Variants in GBE1 observed in about 807,000 individuals in gnomAD.
GBE1 encodes 1,4-alpha-glucan branching enzyme 1.
In GBE1, 70 loss-of-function variants were observed where a neutral mutation model predicts 88.8. That is an observed-to-expected ratio of 0.79 (90% CI 0.65 to 0.96). The LOEUF (loss-of-function observed/expected upper bound fraction) is 0.96. Among genes scored for constraint, GBE1 ranks in the 40% least tolerant of loss-of-function variants. GBE1 has a pLI of 0.00. For missense variants in GBE1, 872 were observed against 871.0 expected (o/e 1.00, Z -0.01); for synonymous variants, 284 against 300.1 (o/e 0.95, Z 0.56).
Position 81,536,929 on chromosome 3 carries a change from A to ACCATATCTTT in GBE1, c.1775_1784dup (p.Trp596LysfsTer14), listed in dbSNP as rs769422253. On this transcript the variant is annotated frameshift_variant, in exon 13 of 16. Transcript: ENST00000429644. LOFTEE classifies it high-confidence loss of function. ...AGCTTACCTGTGGAGCTGCAAGCCA[A>ACCATATCTTT]CCATATCTTTCTTCCAATCTATTCA... 6.3e-7 allele frequency: 1 copy of ACCATATCTTT among 1,586,260 alleles called. No individual in the cohort carries two copies. Among genetic ancestry groups the ACCATATCTTT allele is most frequent in the East Asian group, 2.4e-5 (1 of 42,502 alleles).
chr3:81,589,003 G>A (rs909027468), intron 9 of GBE1, among the ~76,000 whole-genome samples: 1 of 151,794 alleles, frequency 6.6e-6, no homozygotes, highest in Non-Finnish European at 1.5e-5. Flanking sequence ...TTTGAAGGTG[G>A]AAAGTTTGTG....
chr3:81,625,878 G>C (rs1704408137), intron 7 of GBE1, among the ~76,000 whole-genome samples: 1 of 152,154 alleles, frequency 6.6e-6, no homozygotes, highest in South Asian at 2.1e-4. Context: ...GAGGAAGAAA[G>C]GCAGCCAGAG....
intron 7 of GBE1, among the ~76,000 whole-genome samples, chr3:81,622,338 A>C (rs1704344361): frequency 6.6e-6 from 1 of 152,180 alleles, no homozygotes; most frequent in Admixed American, 6.5e-5. Flanking sequence ...CTTCTAAAAC[A>C]TGCTTATTTA....
rs1467460062 is a variant in GBE1 at position 81,741,759 on chromosome 3, T to C, written c.143+19616A>G. 2.7e-5 allele frequency among the ~76,000 whole-genome samples: 4 copies of C among 149,386 alleles called. No homozygotes were observed. The East Asian group carries it at 7.8e-4, about 29-fold the overall frequency. ...ATGATATATAAAAAGTATAATACTCTATATAATATATAACACTCTACATAA... is the reference window on the plus strand; with the variant it reads ...ATGATATATAAAAAGTATAATACTCCATATAATATATAACACTCTACATAA... On this transcript the variant is annotated intron_variant, in intron 1 of 15. Coordinates refer to ENST00000429644, the MANE Select transcript of GBE1 (RefSeq NM_000158.4).
At chr3:81,580,570 TG>T (rs1444475811) in intron 11 of GBE1, among the ~76,000 whole-genome samples, 1 of 152,086 alleles carries the variant, frequency 6.6e-6, no homozygotes, top group Non-Finnish European at 1.5e-5. Context: ...CAGAGAATAA[TG>T]CTGGAAACCG....
At chr3:81,728,757 C>A (rs1275398200) in intron 1 of GBE1, among the ~76,000 whole-genome samples, 1 of 152,104 alleles carries the variant, frequency 6.6e-6, no homozygotes, top group East Asian at 1.9e-4. Context: ...GAAATTAAAT[C>A]AAATTCTAAT....
chr3:81,715,955 T>G (rs549128521), intron 1 of GBE1, among the ~76,000 whole-genome samples: 3 of 152,324 alleles, frequency 2.0e-5, no homozygotes, highest in Admixed American at 1.3e-4. Context: ...AAAACTGGAA[T>G]TGCTCTGCTA....
rs1450487731 is a variant in GBE1, at chr3:81,761,370, G to T, written c.143+5C>A. ...TAAGTGGGGGTGGTGGGATTCCGGC[G>T]GTACCTGCGCTGGAAGTCCACGGCG... On this transcript the variant is annotated splice_donor_5th_base_variant and intron_variant, in intron 1 of 15. Transcript: ENST00000429644. 6.2e-7 allele frequency: 1 copy of T among 1,603,736 alleles called. No homozygotes were observed. Among genetic ancestry groups the T allele is most frequent in the Non-Finnish European group, 8.5e-7 (1 of 1,173,048 alleles).
intron 13 of GBE1, among the ~76,000 whole-genome samples, chr3:81,536,575 T>G (rs1020875206): frequency 1.3e-5 from 2 of 152,026 alleles, no homozygotes; most frequent in South Asian, 4.1e-4. Flanking sequence ...CATAAAAAAG[T>G]GTTCCAAACA....
chr3:81,657,149 C>A (rs11718810), intron 3 of GBE1, among the ~76,000 whole-genome samples: 41,776 of 141,000 alleles, frequency 0.3, 6,442 homozygotes, highest in East Asian at 0.42. Flanking sequence ...AAAAAAAAAA[C>A]AAAACAAAAA....
chr3:81,621,611 CCTT>C (rs752393479), intron 7 of GBE1, among the ~76,000 whole-genome samples: 2 of 152,166 alleles, frequency 1.3e-5, no homozygotes, highest in Non-Finnish European at 2.9e-5. Flanking sequence ...TACCTACTAT[CCTT>C]CTTCGGCTGT....
At chr3:81,596,316 T>A (rs1703956623) in intron 7 of GBE1, among the ~76,000 whole-genome samples, 1 of 151,976 alleles carries the variant, frequency 6.6e-6, no homozygotes, top group Non-Finnish European at 1.5e-5. Flanking sequence ...CTTTAAGTTT[T>A]AGGGTACATG....
intron 3 of GBE1, among the ~76,000 whole-genome samples, chr3:81,661,860 T>C (rs1705036356): frequency 6.6e-6 from 1 of 152,154 alleles, no homozygotes; most frequent in South Asian, 2.1e-4. Flanking sequence ...TTACAGGGAA[T>C]ATATTTCCTA....
intron 7 of GBE1, among the ~76,000 whole-genome samples, chr3:81,595,540 T>C (rs939417401): frequency 1.3e-5 from 2 of 151,964 alleles, no homozygotes; most frequent in Non-Finnish European, 2.9e-5. Flanking sequence ...TAAAATTGCA[T>C]ACAAATAATC....
Position 81,537,179 on chromosome 3 carries a change from A to C in GBE1, c.1619-84T>G, listed in dbSNP as rs1703089457. The C allele has an allele frequency of 2.1e-5, 19 of 918,508 alleles. No homozygotes were observed. In the East Asian group the frequency reaches 2.5e-4, roughly 12 times the overall value. The allele number at this position is 918,508 out of a possible 1,614,324, so 56.9% of individuals were successfully genotyped here. ...ATAAATCAATAATTATATGTTTTTA[A>C]TGTTTTTTAAATTTAGTTTAGGCTA... On this transcript the variant is annotated intron_variant, in intron 12 of 15. Coordinates refer to ENST00000429644, the MANE Select transcript of GBE1 (RefSeq NM_000158.4).
At chr3:81,624,168 A>G (rs1051569462) in intron 7 of GBE1, among the ~76,000 whole-genome samples, 1 of 152,166 alleles carries the variant, frequency 6.6e-6, no homozygotes, top group Non-Finnish European at 1.5e-5. Flanking sequence ...GGTGGCAGGA[A>G]AGAGAAGTCC....
intron 3 of GBE1, among the ~76,000 whole-genome samples, chr3:81,658,490 A>G (rs1704974204): frequency 6.6e-6 from 1 of 152,198 alleles, no homozygotes; most frequent in Non-Finnish European, 1.5e-5. Context: ...ATATTGTGAA[A>G]GTAAATAAAG....
chr3:81,678,750 A>G (rs1705296743), intron 2 of GBE1, among the ~76,000 whole-genome samples: 1 of 152,166 alleles, frequency 6.6e-6, no homozygotes, highest in Non-Finnish European at 1.5e-5. Context: ...AATAATTCAT[A>G]AAATGGGAAA....
intron 15 of GBE1, among the ~76,000 whole-genome samples, chr3:81,490,917 T>A (rs1702428039): frequency 6.6e-6 from 1 of 151,970 alleles, no homozygotes; most frequent in African/African-American, 2.4e-5. Flanking sequence ...ATACAAGGAA[T>A]CCTAACTCTC....
Sources: allele counts gnomAD v4.1 joint callset (sites outside exome capture counted in the v4.1 genomes callset), GRCh38; gene constraint gnomAD v4.1.1; transcripts MANE v1.5; gene names NCBI Gene and HGNC (gene_info 2026-07-23, HGNC 2026-07-21).